The following DACH1 variants were observed in gnomAD, a reference collection of about 807,000 sequenced individuals.
DACH1 encodes dachshund homolog 1.
Under a neutral mutation model 54.2 loss-of-function variants are expected in DACH1, and 12 were observed. The ratio of observed to expected loss-of-function variants is 0.22; its 90% CI spans 0.14 to 0.36. The LOEUF (loss-of-function observed/expected upper bound fraction) is 0.36. DACH1 is among the 10% of genes least tolerant of loss of function. The probability of loss-of-function intolerance (pLI) is 1.00; values close to 1 mark genes in which losing one functional copy is unlikely to be tolerated. For synonymous variants in DACH1, 386 were observed against 366.2 expected, an observed-to-expected ratio of 1.05 and a Z score of -0.62; for missense variants, 805 against 929.8, an observed-to-expected ratio of 0.87 and a Z score of 1.75.
In DACH1 at chr13:71,678,436, G is replaced by A. The variant is rs934995938; in HGVS notation, c.964+3359C>T. Among the ~76,000 whole-genome samples the A allele has an allele frequency of 2.6e-5, 4 of 152,078 alleles. No homozygotes were observed. The East Asian group carries it at 7.7e-4, about 29-fold the overall frequency. The stretch of plus-strand genomic sequence containing the variant: ...ATCATACTGAATATATGAAGGTAAC[G>A]CCATTCATGTGCAATAGTCAAACTT... On this transcript the variant is annotated intron_variant, in intron 2 of 10. Coordinates refer to ENST00000613252, the MANE Select transcript of DACH1 (RefSeq NM_080759.6).
intron 1 of DACH1, among the ~76,000 whole-genome samples, chr13:71,705,161 A>G (rs944722751): frequency 6.6e-6 from 1 of 152,190 alleles, no homozygotes; most frequent in African/African-American, 2.4e-5. Flanking sequence ...GGACAGGACC[A>G]AAAATTATCA....
intron 1 of DACH1, among the ~76,000 whole-genome samples, chr13:71,833,462 T>A (rs946822119): frequency 2.2e-4 from 34 of 152,056 alleles, no homozygotes; most frequent in Non-Finnish European, 1.6e-4. Flanking sequence ...AAAACAACGA[T>A]GTTGATAGAC....
At chr13:71,704,589 CT>C in intron 1 of DACH1, 1 of 471,042 alleles carries the variant, frequency 2.1e-6, no homozygotes, top group South Asian at 1.7e-5. Flanking sequence ...GAGAAGCACA[CT>C]TTATGAGAAC....
intron 7 of DACH1, among the ~76,000 whole-genome samples, chr13:71,480,772 G>C (rs1359262342): frequency 4.6e-5 from 7 of 152,160 alleles, no homozygotes; most frequent in Non-Finnish European, 5.9e-5. Context: ...GCAATAGACA[G>C]ATAGTTTTAC....
At chr13:71,609,145 AAT>A (rs1226229818) in intron 3 of DACH1, among the ~76,000 whole-genome samples, 4 of 152,084 alleles carry the variant, frequency 2.6e-5, no homozygotes, top group Admixed American at 2.6e-4. Context: ...ACCACCAATA[AAT>A]ATGATAGATT....
chr13:71,748,890 CTTTCTTTCTCTTTCTT>C lies in DACH1; in HGVS notation c.849-66996_849-66981del, dbSNP rs1256579664. On this transcript the variant is annotated intron_variant, in intron 1 of 10. Transcript: ENST00000613252. ...TCTTTCTTTCTTTCTTTCTTTCTTT[CTTTCTTTCTCTTTCTT>C]TCTTTCTTTCTTTCTTTCTTTCTTT... Among the ~76,000 whole-genome samples, 676 of 87,772 alleles carry C rather than the reference CTTTCTTTCTCTTTCTT, an allele frequency of 7.7e-3. 4 individuals carry two copies. The highest frequency in any genetic ancestry group is 0.026 in the African/African-American group (439 of 16,980). 57.6% of individuals were successfully genotyped at this position (87,772 alleles called of 152,430 possible).
intron 1 of DACH1, among the ~76,000 whole-genome samples, chr13:71,791,710 C>T (rs928587269): frequency 2.0e-5 from 3 of 152,158 alleles, no homozygotes; most frequent in Non-Finnish European, 4.4e-5. Flanking sequence ...CTTAAAAGTA[C>T]TAACCTTCCA....
chr13:71,753,099 A>G (rs1264454970), intron 1 of DACH1, among the ~76,000 whole-genome samples: 1 of 152,180 alleles, frequency 6.6e-6, no homozygotes, highest in Non-Finnish European at 1.5e-5. Context: ...AGGTGAAGCT[A>G]TCCTGGCTAG....
chr13:71,560,189 C>T (rs994310513), intron 4 of DACH1, among the ~76,000 whole-genome samples: 2 of 151,904 alleles, frequency 1.3e-5, no homozygotes, highest in East Asian at 1.9e-4. Context: ...GCAGTAATGG[C>T]GAATGTCAAT....
rs77666010 is a variant in DACH1, at chr13:71,837,759, G to A, written c.848+28163C>T. On this transcript the variant is annotated intron_variant, in intron 1 of 10. Transcript: ENST00000613252. ...CATTATTCACAATAGCAACCCAAAT[G>A]TCCAACAATGATAGACTGGATTAAG... Among the ~76,000 whole-genome samples, 651 of 138,054 alleles carry A rather than the reference G, an allele frequency of 4.7e-3. 4 individuals carry two copies. The East Asian group carries it at 0.054, about 11-fold the overall frequency. 90.6% of individuals were successfully genotyped at this position (138,054 alleles called of 152,430 possible).
intron 1 of DACH1, among the ~76,000 whole-genome samples, chr13:71,730,725 C>G (rs1476511927): frequency 2.0e-5 from 3 of 152,074 alleles, no homozygotes; most frequent in African/African-American, 7.2e-5. Context: ...TGAGAGCTTA[C>G]TTAGCAGAAA....
At chr13:71,573,581 G>A (rs763668771) in intron 3 of DACH1, 1 of 519,452 alleles carries the variant, frequency 1.9e-6, no homozygotes, top group Non-Finnish European at 3.5e-6. Flanking sequence ...TGCCTGTGGG[G>A]AATGAATATA....
chr13:71,822,179 T>A (rs1888217947), intron 1 of DACH1, among the ~76,000 whole-genome samples: 1 of 152,148 alleles, frequency 6.6e-6, no homozygotes, highest in South Asian at 2.1e-4. Context: ...TGCTTATGAG[T>A]CTTTTAGTGT....
chr13:71,529,183 G>GTTTTTTTTTGTTTTTTTTTTTTTTTTT (rs1882223472), intron 6 of DACH1, among the ~76,000 whole-genome samples: 3 of 80,982 alleles, frequency 3.7e-5, no homozygotes, highest in African/African-American at 1.3e-4. Flanking sequence ...TGTGATTTGG[G>GTTTTTTTTTGTTTTTTTTTTTTTTTTT]TTTTTTTTTT....
chr13:71,588,314 T>C (rs1873428119), intron 3 of DACH1, among the ~76,000 whole-genome samples: 1 of 152,110 alleles, frequency 6.6e-6, no homozygotes, highest in Non-Finnish European at 1.5e-5. Context: ...ATGTGTCTTC[T>C]AAAAAGTCCA....
chr13:71,457,567 C>CTAT (rs1362128858), intron 10 of DACH1, among the ~76,000 whole-genome samples: 1 of 151,882 alleles, frequency 6.6e-6, no homozygotes, highest in Non-Finnish European at 1.5e-5. Flanking sequence ...TTTCTAAAAA[C>CTAT]TATTAGGTCA....
intron 1 of DACH1, among the ~76,000 whole-genome samples, chr13:71,692,775 C>A (rs1288834055): frequency 1.3e-5 from 2 of 152,020 alleles, no homozygotes; most frequent in East Asian, 3.9e-4. Flanking sequence ...CCCATCTCAG[C>A]CTCCCAAAGT....
chr13:71,681,252 A>C (rs1331562142), intron 2 of DACH1, among the ~76,000 whole-genome samples: 7 of 152,168 alleles, frequency 4.6e-5, no homozygotes, highest in Non-Finnish European at 1.0e-4. Context: ...TGAAGTCAAG[A>C]CTATTCTTTT....
rs544527662 is a variant in DACH1 at position 71,440,564 on chromosome 13, A to G, written c.*91T>C. 10 of 1,017,738 alleles carry G rather than the reference A, an allele frequency of 9.8e-6. No individual in the cohort carries two copies. In the African/African-American group the frequency reaches 1.7e-4, roughly 17 times the overall value. The allele number at this position is 1,017,738 out of a possible 1,614,324, so 63.0% of individuals were successfully genotyped here. A position where few individuals can be genotyped will look rare whatever the true frequency, so the allele number is the denominator to read the frequency against. ...ACACAAAATTCAGGAAGTTCCCTTA[A>G]AAGGACTTTATTTTTTTCTGAACTT... On this transcript the variant is annotated 3_prime_UTR_variant, in exon 11 of 11. Transcript: ENST00000613252.
Sources: allele counts gnomAD v4.1 joint callset (sites outside exome capture counted in the v4.1 genomes callset), GRCh38; gene constraint gnomAD v4.1.1; transcripts MANE v1.5; gene names NCBI Gene and HGNC (gene_info 2026-07-23, HGNC 2026-07-21).